The following NEB variants were observed in gnomAD, a reference collection of about 807,000 sequenced individuals.
The protein encoded by NEB is nemaline myopathy type 2.
NEB carries 512 observed loss-of-function variants against 952.2 expected under a neutral mutation model. That is an observed-to-expected ratio of 0.54 (90% CI 0.50 to 0.58). The LOEUF is 0.58. NEB is among the 20% of genes least tolerant of loss of function. The pLI is 0.00. For synonymous variants in NEB, 2,900 were observed against 3,149.8 expected (o/e 0.92, Z 2.66); for missense variants, 8,428 against 9,231.1 (o/e 0.91, Z 3.56).
rs2056919155 is a variant in NEB, at chr2:151,491,926, A to C, written c.25058-151T>G. The stretch of plus-strand genomic sequence containing the variant: ...CATGTCTTTTCCTCAGAGGAGAACA[A>C]AGATAAGGTAGAAATCAGCTTTGTA... On this transcript the variant is annotated intron_variant, in intron 178 of 181. Coordinates refer to ENST00000397345, the MANE Select transcript of NEB (RefSeq NM_001164508.2). 3.1e-6 allele frequency: 3 copies of C among 960,978 alleles called. No homozygotes were observed. In the South Asian group the frequency reaches 5.0e-5, roughly 16 times the overall value. The allele number at this position is 960,978 out of a possible 1,614,324, so 59.5% of individuals were successfully genotyped here.
chr2:151,626,542 CTTT>C (rs1311026671), intron 70 of NEB, among the ~76,000 whole-genome samples: 1 of 145,594 alleles, frequency 6.9e-6, no homozygotes, highest in Non-Finnish European at 1.5e-5. Flanking sequence ...CTGTCCCATT[CTTT>C]TTTTTTTTTG....
chr2:151,701,844 G>GT (rs1195993653), intron 13 of NEB, among the ~76,000 whole-genome samples: 1 of 145,222 alleles, frequency 6.9e-6, no homozygotes, highest in African/African-American at 2.6e-5. Flanking sequence ...TTTTTGAAGG[G>GT]TTTTTTGTGT....
chr2:151,706,653 G>A (rs2099707674), intron 13 of NEB, among the ~76,000 whole-genome samples: 2 of 152,140 alleles, frequency 1.3e-5, no homozygotes, highest in African/African-American at 4.8e-5. Flanking sequence ...TCCTAAGCAA[G>A]TGAGAATTTC....
At chr2:151,498,153 AT>A in intron 170 of NEB, 106 bp downstream of exon 170, 2 of 1,534,766 alleles carry the variant, frequency 1.3e-6, no homozygotes, top group Non-Finnish European at 1.8e-6. Flanking sequence ...TATAAGATGT[AT>A]TAGAAGCAAA....
chr2:151,498,334 G>C lies in NEB; in HGVS notation c.24133C>G (p.Leu8045Val), dbSNP rs2061755430. 1 of 1,550,698 alleles carries C rather than the reference G, an allele frequency of 6.4e-7. No individual in the cohort carries two copies. Among genetic ancestry groups the C allele is most frequent in the Non-Finnish European group, 8.7e-7 (1 of 1,146,376 alleles). Residue 8045 changes from leucine to valine, a missense_variant, in exon 170 of 182, where the codon CTG becomes GTG. Coordinates refer to ENST00000397345, the MANE Select transcript of NEB (RefSeq NM_001164508.2). ...ATGGGGATTGGAATTCCTGTCCCCA[G>C]GTTTTCTTTGTATAGCACCTGTATG... ...NFSSVLYKEN[L>V]GTGIPIPITP...
chr2:151,507,907 G>T, intron 162 of NEB, 98 bp downstream of exon 162: 1 of 814,644 alleles, frequency 1.2e-6, no homozygotes, highest in Non-Finnish European at 2.1e-6. Flanking sequence ...GTGGAGGGCT[G>T]CACAACAGCC....
Position 151,656,817 on chromosome 2 carries a change from C to G in NEB, c.6184-353G>C, listed in dbSNP as rs541402862. On this transcript the variant is annotated intron_variant, in intron 48 of 181. Coordinates refer to ENST00000397345, the MANE Select transcript of NEB (RefSeq NM_001164508.2). ...TACTTTGCTGTTAGTGCTAAAGAGG[C>G]CTTTAGTAGGTAAAAAGAACACAGA... 1.1e-3 allele frequency among the ~76,000 whole-genome samples: 168 copies of G among 150,436 alleles called. 1 individual carries two copies. Among genetic ancestry groups the G allele is most frequent in the African/African-American group, 3.8e-3 (153 of 40,538 alleles).
At chr2:151,495,180 A>G (rs982566663) in intron 173 of NEB, 1 of 152,238 alleles carries the variant, frequency 6.6e-6, no homozygotes, top group Admixed American at 6.5e-5. Context: ...AAAATGAGAA[A>G]CATAGTAACA....
chr2:151,548,285 T>A (rs1411683251), intron 131 of NEB, 23 bp downstream of exon 131: 2 of 1,554,646 alleles, frequency 1.3e-6, no homozygotes, highest in African/African-American at 2.7e-5. Flanking sequence ...AATATGTCTC[T>A]TGGAGAATCA....
chr2:151,521,425 C>T (rs931265874), intron 153 of NEB, among the ~76,000 whole-genome samples: 1 of 152,120 alleles, frequency 6.6e-6, no homozygotes, highest in African/African-American at 2.4e-5. Flanking sequence ...AAGTGGAAGG[C>T]CTGCTAAGGA....
At chr2:151,494,063 A>G (rs973723501) in intron 174 of NEB, 98 bp downstream of exon 174, 2 of 1,083,868 alleles carry the variant, frequency 1.8e-6, no homozygotes, top group African/African-American at 1.6e-5. Context: ...TGTAACTGGC[A>G]TTTTGTTTGT....
In NEB at chr2:151,675,441, G is replaced by GT. The variant is rs754624107; in HGVS notation, c.3775-51dup. 3.1e-6 allele frequency: 4 copies of GT among 1,282,978 alleles called. No individual in the cohort carries two copies. In the South Asian group the frequency reaches 5.3e-5, roughly 17 times the overall value. The allele number at this position is 1,282,978 out of a possible 1,614,324, so 79.5% of individuals were successfully genotyped here. On this transcript the variant is annotated intron_variant, in intron 34 of 181. Transcript: ENST00000397345. ...GTGCAAAAAGGAAAATCTATTAATT[G>GT]TTTGCTTTAAAGAGTTATTTTTAGC...
At position 151,576,147 on chromosome 2, in the gene NEB, TCA is replaced by T; in HGVS notation, c.16908+2_16908+3del. On this transcript the variant is annotated splice_donor_variant and splice_donor_region_variant and intron_variant, in intron 106 of 181. Transcript: ENST00000397345. LOFTEE classifies it high-confidence loss of function. ...TCAATTTTAATAGAGAAAAACTAAC[TCA>T]CAATACTAATATTTTCAGCATTTGA... 6.3e-7 allele frequency: 1 copy of T among 1,579,174 alleles called. No homozygotes were observed. The highest frequency in any genetic ancestry group is 8.6e-7 in the Non-Finnish European group (1 of 1,157,322).
chr2:151,502,603 A>ATGTT (rs2065587488), intron 167 of NEB, among the ~76,000 whole-genome samples, 190 bp downstream of exon 167: 1 of 152,064 alleles, frequency 6.6e-6, no homozygotes, highest in Admixed American at 6.6e-5. Flanking sequence ...ATAAATATCT[A>ATGTT]TGTTTTAGAG....
At chr2:151,680,868 C>T in intron 29 of NEB, 40 bp from the exon 30 acceptor site, 3 of 1,428,964 alleles carry the variant, frequency 2.1e-6, no homozygotes, top group Non-Finnish European at 3.0e-6. Context: ...ATCTTGTTTT[C>T]CACTGAAGAT....
Position 151,639,915 on chromosome 2 carries a change from C to G in NEB, c.8831G>C (p.Ser2944Thr). 1.2e-6 allele frequency: 2 copies of G among 1,613,940 alleles called. No homozygotes were observed. The highest frequency in any genetic ancestry group is 1.7e-5 in the Admixed American group (1 of 60,014). The change falls in exon 62 of 182, where the codon AGT becomes ACT. Residue 2944 changes from serine to threonine, a missense_variant. Physicochemically the swap from Ser to Thr is moderately conservative, Grantham distance 58. This residue lies in a region of NEB where 1,772 missense variants were observed against 1,960.3 expected (regional missense o/e 0.90). Transcript: ENST00000397345. ...CACTTGTTCCAGAGAGTCAGTCACACTGGTAAATTTGAATCTGTCTGGAGG... is the reference window on the plus strand; with the variant it reads ...CACTTGTTCCAGAGAGTCAGTCACAGTGGTAAATTTGAATCTGTCTGGAGG... ...RQPPDRFKFTSVTDSLEQVLA... is the reference protein window; with the variant it reads ...RQPPDRFKFTTVTDSLEQVLA...
intron 8 of NEB, among the ~76,000 whole-genome samples, chr2:151,723,750 G>GTTTTTTTTTTTTTTT (rs11308757): frequency 5.8e-5 from 3 of 51,358 alleles, no homozygotes; most frequent in Non-Finnish European, 7.4e-5. Context: ...TGCCTTCTTT[G>GTTTTTTTTTTTTTTT]TTTTTTTTTT....
chr2:151,555,947 A>T (rs2095624824), intron 124 of NEB, among the ~76,000 whole-genome samples: 1 of 151,944 alleles, frequency 6.6e-6, no homozygotes. Flanking sequence ...TTAAAGGATT[A>T]ATTTCTCTAT....
Position 151,609,853 on chromosome 2 carries a change from T to A in NEB, c.12286A>T (p.Asn4096Tyr). ...LHEWTCMPDQ[N>Y]DIIQAKKAYD... is the part of the protein sequence containing the mutation. ...GCCTTTTTTGCTTGGATAATGTCGT[T>A]TTGATCCGGCATGCATGTCCATTCA... is the stretch of plus-strand genomic sequence containing the variant. The change falls in exon 81 of 182, where the codon AAC (asparagine) becomes TAC (tyrosine). Residue 4096 changes from asparagine to tyrosine, a missense_variant. Coordinates refer to ENST00000397345, the MANE Select transcript of NEB (RefSeq NM_001164508.2). 6.2e-7 allele frequency: 1 copy of A among 1,607,192 alleles called. No individual in the cohort carries two copies.
Sources: gnomAD v4.1 joint callset for allele counts (sites outside exome capture counted in the v4.1 genomes callset) on GRCh38, gnomAD v4.1.1 for gene constraint, gnomAD v4.1.1 regional missense constraint, MANE v1.5 for transcripts, NCBI Gene and HGNC (gene_info 2026-07-23, HGNC 2026-07-21) for gene names.